The following ADAMTS5 variants were observed in gnomAD, a reference collection of about 807,000 sequenced individuals.
ADAMTS5 encodes the protein ADAM metallopeptidase with thrombospondin type 1 motif 5, also known as A disintegrin and metalloproteinase with thrombospondin motifs 5.
In ADAMTS5, 54 loss-of-function variants were observed where a neutral mutation model predicts 81.4. The ratio of observed to expected loss-of-function variants is 0.66; its 90% confidence interval spans 0.53 to 0.83. The LOEUF (loss-of-function observed/expected upper bound fraction) is 0.83, where lower values mean the gene tolerates loss of function less well. Among genes scored for constraint, ADAMTS5 ranks in the 40% least tolerant of loss-of-function variants. ADAMTS5 has a pLI of 0.00. For missense variants in ADAMTS5, 1,194 were observed against 1,229.9 expected (o/e 0.97, Z 0.44); for synonymous variants, 532 against 508.8 (o/e 1.05, Z -0.61).
Position 26,966,512 on chromosome 21 carries a change from A to C in ADAMTS5, c.-121T>G. The C allele has an allele frequency of 5.0e-6, 5 of 1,007,080 alleles. No individual in the cohort carries two copies. The highest frequency in any genetic ancestry group is 3.9e-6 in the Non-Finnish European group (3 of 760,346). The allele number at this position is 1,007,080 out of a possible 1,614,324, so 62.4% of individuals were successfully genotyped here. On this transcript the variant is annotated 5_prime_UTR_variant, in exon 1 of 8. Coordinates refer to ENST00000284987, the MANE Select transcript of ADAMTS5 (RefSeq NM_007038.5). ...CACACTTGCTTGCAGGATTGAGTCA[A>C]GTGTCGGAGGGAGGGGGGCCCGGCA...
At chr21:26,947,285 CT>C (rs1233137502) in intron 2 of ADAMTS5, among the ~76,000 whole-genome samples, 1 of 152,136 alleles carries the variant, frequency 6.6e-6, no homozygotes, top group Non-Finnish European at 1.5e-5. Flanking sequence ...TTAATGACCT[CT>C]GTATTTATAT....
chr21:26,924,457 T>G lies in ADAMTS5; in HGVS notation c.2389A>C (p.Thr797Pro). 6.2e-7 allele frequency: 1 copy of G among 1,614,216 alleles called. No individual in the cohort carries two copies. Among genetic ancestry groups the G allele is most frequent in the Non-Finnish European group, 8.5e-7 (1 of 1,180,036 alleles). ...NGKYMISTSE[T>P]IIDINGTVMN... ...ACTGTTCCATTGATGTCAATGATAG[T>G]CTCTGAAGTGGAGATCATGTACTTT... The change falls in exon 8 of 8, where the codon ACT becomes CCT. Residue 797 changes from threonine to proline, a missense_variant. Physicochemically the swap from Thr to Pro is conservative, Grantham distance 38 (BLOSUM62 -1). Transcript: ENST00000284987.
At chr21:26,929,548 C>T (rs527918762) in intron 7 of ADAMTS5, among the ~76,000 whole-genome samples, 1 of 152,114 alleles carries the variant, frequency 6.6e-6, no homozygotes, top group Non-Finnish European at 1.5e-5. Flanking sequence ...ACCAACCTTC[C>T]CTAAATTATG....
At chr21:26,943,035 G>A (rs1987142891) in intron 3 of ADAMTS5, among the ~76,000 whole-genome samples, 1 of 152,094 alleles carries the variant, frequency 6.6e-6, no homozygotes, top group Non-Finnish European at 1.5e-5. Flanking sequence ...ATTAATAGCA[G>A]GGAAACCAAG....
Position 26,965,637 on chromosome 21 carries a change from G to A in ADAMTS5, c.755C>T (p.Pro252Leu). The A allele has an allele frequency of 3.1e-6, 5 of 1,596,366 alleles. No homozygotes were observed. Among genetic ancestry groups the A allele is most frequent in the Non-Finnish European group, 4.3e-6 (5 of 1,173,408 alleles). Residue 252 changes from proline (P) to leucine (L), a missense_variant, in exon 1 of 8, where the codon CCG (proline) becomes CTG (leucine). By Grantham distance (98) the Pro-to-Leu change is moderately conservative (BLOSUM62 -3). Coordinates refer to ENST00000284987, the MANE Select transcript of ADAMTS5 (RefSeq NM_007038.5). ...GCGCCGCCGCCGCCACCACGTCTGC[G>A]GTCCTGAGCCCCCAGCGGGCGAGAG... ...SALSPAGGSG[P>L]QTWWRRRRRS...
In ADAMTS5 at chr21:26,965,997, T is replaced by C; in HGVS notation, c.395A>G (p.Tyr132Cys). 3 of 1,613,114 alleles carry C rather than the reference T, an allele frequency of 1.9e-6. No homozygotes were observed. Among genetic ancestry groups the C allele is most frequent in the Middle Eastern group, 3.3e-4 (2 of 6,060 alleles). Residue 132 changes from tyrosine to cysteine, a missense_variant, in exon 1 of 8, where the codon TAT becomes TGT. Transcript: ENST00000284987. ...GGGACTACCGTCCACTGTGCCCCGA[T>C]AGAAGCAGTGGCTCCGGTGGCGCCA... ...APWRHRSHCF[Y>C]RGTVDGSPRS... is the part of the protein sequence containing the mutation.
chr21:26,961,151 C>T (rs1987522619), intron 1 of ADAMTS5, among the ~76,000 whole-genome samples: 1 of 152,232 alleles, frequency 6.6e-6, no homozygotes, highest in African/African-American at 2.4e-5. Context: ...ACTGTCTTCT[C>T]TGTCTGCCAT....
At chr21:26,950,436 G>T (rs906264958) in intron 2 of ADAMTS5, among the ~76,000 whole-genome samples, 2 of 152,190 alleles carry the variant, frequency 1.3e-5, no homozygotes, top group Non-Finnish European at 2.9e-5. Flanking sequence ...TTGTAAAGTG[G>T]CTGTAAACAC....
intron 2 of ADAMTS5, among the ~76,000 whole-genome samples, chr21:26,953,354 G>C (rs1004398458): frequency 4.6e-5 from 7 of 152,122 alleles, no homozygotes; most frequent in Admixed American, 3.3e-4. Context: ...TTACGTTTAG[G>C]TTTTATATTT....
chr21:26,944,221 C>T (rs1290677285), intron 2 of ADAMTS5, among the ~76,000 whole-genome samples: 1 of 152,106 alleles, frequency 6.6e-6, no homozygotes, highest in Middle Eastern at 3.2e-3. Context: ...ACATATAGCT[C>T]ATTTTGAAAA....
chr21:26,926,107 C>T (rs185257207), intron 7 of ADAMTS5, among the ~76,000 whole-genome samples: 1 of 152,142 alleles, frequency 6.6e-6, no homozygotes, highest in Admixed American at 6.5e-5. Context: ...CTTGTCTCTA[C>T]AAAAAGTAAA....
chr21:26,966,400 G>A lies in ADAMTS5; in HGVS notation c.-9C>T. 1 of 1,433,156 alleles carries A rather than the reference G, an allele frequency of 7.0e-7. No homozygotes were observed. The highest frequency in any genetic ancestry group is 2.8e-5 in the East Asian group (1 of 35,650). 88.8% of individuals were successfully genotyped at this position (1,433,156 alleles called of 1,614,324 possible). Reference sequence around the variant, plus strand: ...GCCCACCCGAGCAGCATAGTGCGCTGCCCGCGGGGAGGGGCTGCGCGACTG... The same window carrying A: ...GCCCACCCGAGCAGCATAGTGCGCTACCCGCGGGGAGGGGCTGCGCGACTG... On this transcript the variant is annotated 5_prime_UTR_variant, in exon 1 of 8. Coordinates refer to ENST00000284987, the MANE Select transcript of ADAMTS5 (RefSeq NM_007038.5).
chr21:26,950,033 C>T (rs1387896258), intron 2 of ADAMTS5, among the ~76,000 whole-genome samples: 1 of 152,198 alleles, frequency 6.6e-6, no homozygotes, highest in African/African-American at 2.4e-5. Context: ...AAAACACAGG[C>T]GGCTTTGCTG....
At chr21:26,934,256 A>G (rs162496) in intron 4 of ADAMTS5, among the ~76,000 whole-genome samples, 46,952 of 152,158 alleles carry the variant, frequency 0.31, 7,828 homozygotes, top group South Asian at 0.41. Flanking sequence ...TAAACTGCAA[A>G]TAAATTCCCA....
Position 26,923,179 on chromosome 21 carries a change from C to T in ADAMTS5, c.*874G>A, listed in dbSNP as rs1255487689. The T allele has an allele frequency of 1.3e-5, 2 of 152,106 alleles. No individual in the cohort carries two copies. The highest frequency in any genetic ancestry group is 4.8e-5 in the African/African-American group (2 of 41,434). The allele number at this position is 152,106 out of a possible 1,614,324, so 9.4% of individuals were successfully genotyped here. A position where few individuals can be genotyped will look rare whatever the true frequency, so the allele number is the denominator to read the frequency against. ...GTTGTGAAAATATAAATTGAAAACA[C>T]AGTGAAATACGATTTTTTTCCTTTT... On this transcript the variant is annotated 3_prime_UTR_variant, in exon 8 of 8. Transcript: ENST00000284987.
chr21:26,965,515 T>G lies in ADAMTS5; in HGVS notation c.877A>C (p.Thr293Pro). The stretch of plus-strand genomic sequence containing the variant: ...AGCCTATTGGCGATGGAGGCCAGGG[T>G]CAGCAGGTAATGCTGCAGGCCCCGG... ...YGRGLQHYLL[T>P]LASIANRLYS... The change falls in exon 1 of 8, where the codon ACC becomes CCC. Residue 293 changes from threonine to proline, a missense_variant. Thr to Pro is a conservative substitution (Grantham distance 38). Transcript: ENST00000284987. 6.2e-7 allele frequency: 1 copy of G among 1,614,140 alleles called. No homozygotes were observed. The highest frequency in any genetic ancestry group is 8.5e-7 in the Non-Finnish European group (1 of 1,179,998).
chr21:26,940,550 T>G (rs1314276872), intron 3 of ADAMTS5, among the ~76,000 whole-genome samples: 1 of 152,166 alleles, frequency 6.6e-6, no homozygotes, highest in Non-Finnish European at 1.5e-5. Context: ...TCAGATTACC[T>G]GTCTAAAGTC....
At chr21:26,950,771 C>G (rs916180450) in intron 2 of ADAMTS5, among the ~76,000 whole-genome samples, 1 of 152,142 alleles carries the variant, frequency 6.6e-6, no homozygotes, top group Non-Finnish European at 1.5e-5. Context: ...GTCATTTTGA[C>G]TTCAAATAAT....
At chr21:26,945,392 T>C (rs1273796508) in intron 2 of ADAMTS5, among the ~76,000 whole-genome samples, 2 of 152,208 alleles carry the variant, frequency 1.3e-5, no homozygotes, top group Admixed American at 6.5e-5. Context: ...TCCAGGTTTT[T>C]ACTTAAAAAA....
Sources: gnomAD v4.1 joint callset for allele counts (sites outside exome capture counted in the v4.1 genomes callset) on GRCh38, gnomAD v4.1.1 for gene constraint, MANE v1.5 for transcripts, NCBI Gene and HGNC (gene_info 2026-07-23, HGNC 2026-07-21) for gene names.